The following PHKA2 variants were observed in gnomAD, a reference collection of about 807,000 sequenced individuals.
PHKA2 encodes the protein phosphorylase kinase regulatory subunit alpha 2.
In PHKA2, 31 loss-of-function variants were observed where a neutral mutation model predicts 102.0. The ratio of observed to expected loss-of-function variants is 0.30; its 90% CI spans 0.23 to 0.41. The LOEUF (loss-of-function observed/expected upper bound fraction) is 0.41, where lower values mean the gene tolerates loss of function less well. Ranked by LOEUF, PHKA2 falls within the 10% of genes least tolerant of loss-of-function variation. The pLI is 1.00. For synonymous variants in PHKA2, 455 were observed against 416.2 expected (o/e 1.09, Z -1.13); for missense variants, 858 against 1,023.1 (o/e 0.84, Z 2.20).
At chrX:18,968,989 C>T (rs1447658121) in intron 1 of PHKA2, among the ~76,000 whole-genome samples, 2 of 111,097 alleles carry the variant, frequency 1.8e-5, no homozygotes, top group Non-Finnish European at 3.8e-5. Context: ...TGGTGGTGCA[C>T]GCCTGTAATT....
At chrX:18,898,244 C>A (rs766033692) in intron 29 of PHKA2, 1 of 112,778 alleles carries the variant, frequency 8.9e-6, no homozygotes, top group East Asian at 2.8e-4. Flanking sequence ...CTCCTTCCCA[C>A]CTCAACATTG....
rs1415219560 is a variant in PHKA2, at chrX:18,925,797, T to C, written c.1460-20A>G. ...TCCGTCCTGTTTGAGAAGTAAAAGATAAATTGGAGTTAGAGGAAATACGGT... is the reference window on the plus strand; with the variant it reads ...TCCGTCCTGTTTGAGAAGTAAAAGACAAATTGGAGTTAGAGGAAATACGGT... On this transcript the variant is annotated intron_variant, in intron 14 of 32. Transcript: ENST00000379942. The C allele has an allele frequency of 2.0e-6, 2 of 1,015,036 alleles. No individual in the cohort carries two copies. The highest frequency in any genetic ancestry group is 2.8e-6 in the Non-Finnish European group (2 of 718,337). 83.7% of individuals were successfully genotyped at this position (1,015,036 alleles called of 1,213,427 possible). A position where few individuals can be genotyped will look rare whatever the true frequency, so the allele number is the denominator to read the frequency against.
intron 1 of PHKA2, among the ~76,000 whole-genome samples, chrX:18,955,589 T>C (rs2048762594): frequency 9.0e-6 from 1 of 111,674 alleles, no homozygotes; most frequent in Non-Finnish European, 1.9e-5. Flanking sequence ...AAAGCCTCTG[T>C]TGACATTTCC....
chrX:18,965,784 T>C (rs1288080878), intron 1 of PHKA2, among the ~76,000 whole-genome samples: 2 of 111,858 alleles, frequency 1.8e-5, no homozygotes, highest in African/African-American at 3.3e-5. Flanking sequence ...TCCCTACCCA[T>C]TGTGAGACAG....
chrX:18,916,905 G>A (rs927162178), intron 19 of PHKA2, among the ~76,000 whole-genome samples: 131 of 106,835 alleles, frequency 1.2e-3, no homozygotes, highest in Non-Finnish European at 1.8e-3. Context: ...ACAGGTTCTC[G>A]TTCTGTTACT....
chrX:18,916,874 A>G lies in PHKA2; in HGVS notation c.2137+1807T>C, dbSNP rs145478178. ...TATGGCAATGCAAGAATGGGCTAAT[A>G]CATTTTTTTTTTTTTTTGAGACAGG... On this transcript the variant is annotated intron_variant, in intron 19 of 32. Transcript: ENST00000379942. 1.9e-3 allele frequency among the ~76,000 whole-genome samples: 204 copies of G among 108,477 alleles called. 1 individual carries two copies. Among genetic ancestry groups the G allele is most frequent in the African/African-American group, 6.6e-3 (197 of 29,646 alleles). The allele number at this position is 108,477 out of a possible 115,157, so 94.2% of individuals were successfully genotyped here. A position where few individuals can be genotyped will look rare whatever the true frequency, so the allele number is the denominator to read the frequency against.
At chrX:18,916,586 C>G (rs1320840769) in intron 19 of PHKA2, among the ~76,000 whole-genome samples, 1 of 112,058 alleles carries the variant, frequency 8.9e-6, no homozygotes, top group Non-Finnish European at 1.9e-5. Context: ...GGGCCATCCC[C>G]TTGGTGATAA....
At chrX:18,897,687 G>C (rs1364226421) in intron 29 of PHKA2, 2 of 246,990 alleles carry the variant, frequency 8.1e-6, no homozygotes, top group Non-Finnish European at 1.5e-5. Flanking sequence ...GGACACACCC[G>C]AGGCCGTCTG....
At chrX:18,905,930 G>A (rs929323892) in intron 25 of PHKA2, 71 bp from the exon 26 acceptor site, 20 of 746,794 alleles carry the variant, frequency 2.7e-5, no homozygotes, top group African/African-American at 2.1e-4. Flanking sequence ...TCAGGTGGAC[G>A]TGGGTGGGGA....
At chrX:18,903,066 T>C (rs1323366402) in intron 26 of PHKA2, among the ~76,000 whole-genome samples, 1 of 112,394 alleles carries the variant, frequency 8.9e-6, no homozygotes, top group Non-Finnish European at 1.9e-5. Flanking sequence ...TCCCTATGAC[T>C]GTGTATGTTT....
At chrX:18,954,153 A>C (rs979724237) in intron 2 of PHKA2, 101 bp downstream of exon 2, 7 of 857,249 alleles carry the variant, frequency 8.2e-6, no homozygotes, top group Non-Finnish European at 1.0e-5. Flanking sequence ...GGAGAGGCCT[A>C]CACCCAAACA....
rs1388425697 is a variant in PHKA2 at position 18,893,121 on chromosome X, T to C, written c.*364A>G. On this transcript the variant is annotated 3_prime_UTR_variant, in exon 33 of 33. Coordinates refer to ENST00000379942, the MANE Select transcript of PHKA2 (RefSeq NM_000292.3). ...GTCACTAGCTCATCGAAACTATTTC[T>C]GTAACTCTCTGCAAGAGCCAATTTA... 2 of 270,595 alleles carry C rather than the reference T, an allele frequency of 7.4e-6. No homozygotes were observed. The allele number at this position is 270,595 out of a possible 1,213,427, so 22.3% of individuals were successfully genotyped here. A position where few individuals can be genotyped will look rare whatever the true frequency, so the allele number is the denominator to read the frequency against.
Position 18,892,743 on chromosome X carries a change from C to CTT in PHKA2, c.*740_*741dup, listed in dbSNP as rs879137819. 1.1e-4 allele frequency: 10 copies of CTT among 94,120 alleles called. No individual in the cohort carries two copies. Among genetic ancestry groups the CTT allele is most frequent in the Admixed American group, 1.2e-4 (1 of 8,439 alleles). The allele number at this position is 94,120 out of a possible 1,213,427, so 7.8% of individuals were successfully genotyped here. Reference sequence around the variant, plus strand: ...TGCCTGGCTATAAGAGGAGCCTTGTCTTTTTTTTTTTTTTTTTCTAGATTC... The same window carrying CTT: ...TGCCTGGCTATAAGAGGAGCCTTGTCTTTTTTTTTTTTTTTTTTTCTAGATTC... On this transcript the variant is annotated 3_prime_UTR_variant, in exon 33 of 33. Coordinates refer to ENST00000379942, the MANE Select transcript of PHKA2 (RefSeq NM_000292.3).
chrX:18,950,554 G>A (rs1251861401), intron 4 of PHKA2, among the ~76,000 whole-genome samples: 1 of 112,885 alleles, frequency 8.9e-6, no homozygotes, highest in African/African-American at 3.2e-5. Flanking sequence ...GTTACAGGCA[G>A]GGTCCCTGCA....
intron 17 of PHKA2, among the ~76,000 whole-genome samples, chrX:18,920,625 A>G (rs1046789494): frequency 8.9e-6 from 1 of 112,084 alleles, no homozygotes; most frequent in African/African-American, 3.2e-5. Flanking sequence ...AGTCCCTACC[A>G]CGAAACACTG....
intron 22 of PHKA2, among the ~76,000 whole-genome samples, chrX:18,907,686 C>G (rs1005149808): frequency 3.6e-5 from 4 of 111,671 alleles, no homozygotes; most frequent in Non-Finnish European, 7.5e-5. Flanking sequence ...TTTTCCGTAG[C>G]CAAGAAAGAA....
At chrX:18,965,621 G>A (rs368396387) in intron 1 of PHKA2, among the ~76,000 whole-genome samples, 2 of 110,318 alleles carry the variant, frequency 1.8e-5, no homozygotes, top group South Asian at 3.9e-4. Context: ...ACAGGGACAC[G>A]GAAGGCTACG....
chrX:18,916,701 CCTTTT>C (rs1188864816), intron 19 of PHKA2, among the ~76,000 whole-genome samples: 12 of 111,343 alleles, frequency 1.1e-4, no homozygotes, highest in Non-Finnish European at 2.1e-4. Context: ...TGTCTGCTCC[CCTTTT>C]GTCTTCCGTC....
intron 17 of PHKA2, among the ~76,000 whole-genome samples, chrX:18,923,838 G>A (rs1346614022): frequency 1.8e-5 from 2 of 111,707 alleles, no homozygotes; most frequent in Non-Finnish European, 3.8e-5. Flanking sequence ...AGGCCTCCTG[G>A]TGCCTGTAAA....
Sources: gnomAD v4.1 joint callset for allele counts (sites outside exome capture counted in the v4.1 genomes callset) on GRCh38, gnomAD v4.1.1 for gene constraint, MANE v1.5 for transcripts, NCBI Gene and HGNC (gene_info 2026-07-23, HGNC 2026-07-21) for gene names.